The following SHISA9 variants were observed in gnomAD, a reference collection of about 807,000 sequenced individuals.
SHISA9 encodes the protein protein shisa-9.
In SHISA9, 13 loss-of-function variants were observed where a neutral mutation model predicts 38.0. That is an observed-to-expected ratio of 0.34 (90% CI 0.22 to 0.54). SHISA9 has a LOEUF of 0.54. SHISA9 is among the 20% of genes least tolerant of loss of function. SHISA9 has a pLI of 0.91. For synonymous variants in SHISA9, 275 were observed against 242.0 expected, an observed-to-expected ratio of 1.14 and a Z score of -1.27; for missense variants, 538 against 575.8, an observed-to-expected ratio of 0.93 and a Z score of 0.67.
chr16:13,542,722 C>T, the SHISA9 span, among the ~76,000 whole-genome samples: 6 of 152,114 alleles, frequency 3.9e-5, no homozygotes, highest in Non-Finnish European at 7.4e-5. Context: ...TAAGTTAACT[C>T]GCTTAAATCA....
At chr16:13,312,873 C>A in the SHISA9 span, among the ~76,000 whole-genome samples, 1 of 151,996 alleles carries the variant, frequency 6.6e-6, no homozygotes, top group Admixed American at 6.5e-5. Context: ...TAAAAATTAG[C>A]AAAACCAACT....
chr16:12,916,876 TG>T, intron 2 of SHISA9, 61 bp downstream of exon 2: 1 of 1,516,742 alleles, frequency 6.6e-7, no homozygotes, highest in South Asian at 1.3e-5. Flanking sequence ...GTGGTCACAT[TG>T]CCAGATTTCG....
chr16:13,514,140 AG>A, the SHISA9 span, among the ~76,000 whole-genome samples: 1 of 151,998 alleles, frequency 6.6e-6, no homozygotes, highest in Non-Finnish European at 1.5e-5. Context: ...GAATACAGGC[AG>A]GCACCACCAC....
the SHISA9 span, among the ~76,000 whole-genome samples, chr16:13,533,203 A>C: frequency 6.6e-6 from 1 of 152,196 alleles, no homozygotes; most frequent in African/African-American, 2.4e-5. Context: ...TTCCCCACAC[A>C]GTTTAGATTC....
the SHISA9 span, among the ~76,000 whole-genome samples, chr16:13,349,373 G>A: frequency 1.1e-4 from 16 of 152,316 alleles, no homozygotes; most frequent in African/African-American, 3.8e-4. Flanking sequence ...GAATGAGAGC[G>A]GTTGAAGTGA....
the SHISA9 span, among the ~76,000 whole-genome samples, chr16:13,403,895 G>T: frequency 6.6e-6 from 1 of 152,190 alleles, no homozygotes; most frequent in African/African-American, 2.4e-5. Context: ...AAAGGAAGGG[G>T]AATAAACATG....
the SHISA9 span, among the ~76,000 whole-genome samples, chr16:13,470,326 A>G: frequency 6.6e-6 from 1 of 152,202 alleles, no homozygotes; most frequent in Non-Finnish European, 1.5e-5. Flanking sequence ...TTTAATATCT[A>G]TAGAATTTAA....
intron 2 of SHISA9, among the ~76,000 whole-genome samples, chr16:13,086,899 G>C (rs1037552759): frequency 1.3e-5 from 2 of 151,606 alleles, no homozygotes; most frequent in Admixed American, 1.3e-4. Context: ...GTGCCATGTT[G>C]GTTTGCCGCA....
intron 2 of SHISA9, among the ~76,000 whole-genome samples, chr16:12,926,405 T>C (rs554510194): frequency 9.0e-4 from 137 of 152,268 alleles, no homozygotes; most frequent in Non-Finnish European, 1.4e-3. Context: ...TTTTAGCTAA[T>C]TGTTTGCTTT....
the SHISA9 span, among the ~76,000 whole-genome samples, chr16:13,450,106 G>A: frequency 8.0e-4 from 122 of 152,234 alleles, no homozygotes; most frequent in Non-Finnish European, 1.5e-3. Flanking sequence ...GATAGAGGGA[G>A]ACTCTGTGTA....
At chr16:12,931,840 A>G (rs927485401) in intron 2 of SHISA9, among the ~76,000 whole-genome samples, 3 of 152,186 alleles carry the variant, frequency 2.0e-5, no homozygotes, top group Non-Finnish European at 2.9e-5. Flanking sequence ...ACACCATATG[A>G]GGCATACTCA....
At chr16:13,447,081 AT>A in the SHISA9 span, among the ~76,000 whole-genome samples, 1 of 151,728 alleles carries the variant, frequency 6.6e-6, no homozygotes, top group African/African-American at 2.4e-5. Context: ...ATCCATCTGT[AT>A]TTTGTTTTCT....
At chr16:13,438,670 TTA>T in the SHISA9 span, among the ~76,000 whole-genome samples, 6 of 152,214 alleles carry the variant, frequency 3.9e-5, no homozygotes, top group African/African-American at 1.4e-4. Context: ...AATCATTTCA[TTA>T]TGACTACTGA....
chr16:13,468,502 A>T, the SHISA9 span, among the ~76,000 whole-genome samples: 3 of 152,360 alleles, frequency 2.0e-5, no homozygotes, highest in Admixed American at 6.5e-5. Flanking sequence ...CTTTTTAAAT[A>T]TAATACTTCC....
At chr16:13,354,319 G>T in the SHISA9 span, among the ~76,000 whole-genome samples, 1 of 36,038 alleles carries the variant, frequency 2.8e-5, no homozygotes, top group Non-Finnish European at 5.9e-5. Flanking sequence ...TGGTGGAACC[G>T]CCATCAATAA....
intron 2 of SHISA9, among the ~76,000 whole-genome samples, chr16:13,139,392 T>TC (rs1567224844): frequency 2.8e-4 from 30 of 105,488 alleles, no homozygotes; most frequent in African/African-American, 1.1e-3. Flanking sequence ...CTCCCTTCCT[T>TC]CTTTCCTTCC....
chr16:13,009,528 G>A (rs2072644043), intron 2 of SHISA9, among the ~76,000 whole-genome samples: 2 of 152,154 alleles, frequency 1.3e-5, no homozygotes, highest in South Asian at 4.1e-4. Context: ...GGGAATGTGG[G>A]GAAGGTGAAA....
At chr16:13,193,730 G>C (rs2050910012) in intron 2 of SHISA9, among the ~76,000 whole-genome samples, 2 of 152,214 alleles carry the variant, frequency 1.3e-5, no homozygotes, top group African/African-American at 2.4e-5. Context: ...GGAGAATGAA[G>C]TGGAAGGAAA....
intron 2 of SHISA9, among the ~76,000 whole-genome samples, chr16:13,195,954 G>C (rs2142045570): frequency 6.6e-6 from 1 of 151,924 alleles, no homozygotes; most frequent in South Asian, 2.1e-4. Flanking sequence ...CAGGTGTGGT[G>C]GTGTGTGCCT....
Sources: gnomAD v4.1 joint callset for allele counts (sites outside exome capture counted in the v4.1 genomes callset) on GRCh38, gnomAD v4.1.1 for gene constraint, MANE v1.5 for transcripts, NCBI Gene and HGNC (gene_info 2026-07-23, HGNC 2026-07-21) for gene names.